Variants in KDM7A observed in about 807,000 individuals in gnomAD.
The protein encoded by KDM7A is lysine-specific demethylase 7A.
KDM7A carries 28 observed loss-of-function variants against 114.8 expected under a neutral mutation model. That is an observed-to-expected ratio of 0.24 (90% confidence interval 0.18 to 0.33). KDM7A has a LOEUF of 0.33. Ranked by LOEUF, KDM7A falls within the 10% of genes least tolerant of loss-of-function variation. The pLI is 1.00. For synonymous variants in KDM7A, 423 were observed against 397.8 expected (o/e 1.06, Z -0.75); for missense variants, 942 against 1,142.5 (o/e 0.82, Z 2.53).
intron 11 of KDM7A, among the ~76,000 whole-genome samples, chr7:140,107,778 T>C (rs1818364367): frequency 6.6e-6 from 1 of 152,176 alleles, no homozygotes; most frequent in Non-Finnish European, 1.5e-5. Flanking sequence ...AGAAGTATCT[T>C]TGTGGCGTTC....
chr7:140,169,604 C>A (rs1794616325), intron 1 of KDM7A, among the ~76,000 whole-genome samples: 1 of 152,124 alleles, frequency 6.6e-6, no homozygotes, highest in African/African-American at 2.4e-5. Context: ...CGGCTCACTG[C>A]AACCTCCGCC....
chr7:140,131,329 C>T (rs1265956126), intron 3 of KDM7A, among the ~76,000 whole-genome samples: 2 of 152,156 alleles, frequency 1.3e-5, no homozygotes, highest in Admixed American at 1.3e-4. Flanking sequence ...TTTTTAATCT[C>T]CCAATTGCTC....
chr7:140,164,854 G>C (rs1794556850), intron 1 of KDM7A, among the ~76,000 whole-genome samples: 1 of 152,120 alleles, frequency 6.6e-6, no homozygotes, highest in Non-Finnish European at 1.5e-5. Context: ...CAGGCTTATT[G>C]AACCTGGAAG....
chr7:140,151,708 T>C (rs1316050410), intron 1 of KDM7A, among the ~76,000 whole-genome samples: 1 of 152,210 alleles, frequency 6.6e-6, no homozygotes, highest in Non-Finnish European at 1.5e-5. Context: ...TTCATGTAGT[T>C]CCTAAATGTC....
chr7:140,140,045 T>A (rs1267709518), intron 1 of KDM7A, among the ~76,000 whole-genome samples: 1 of 152,204 alleles, frequency 6.6e-6, no homozygotes, highest in East Asian at 1.9e-4. Flanking sequence ...ATGCAAGTTC[T>A]ATCAAATATT....
intron 1 of KDM7A, among the ~76,000 whole-genome samples, chr7:140,140,061 A>C (rs1794245472): frequency 6.6e-6 from 1 of 152,204 alleles, no homozygotes; most frequent in Non-Finnish European, 1.5e-5. Flanking sequence ...ATATTCAAGA[A>C]ATAAATAAAT....
chr7:140,105,909 C>T (rs1818328711), intron 11 of KDM7A, among the ~76,000 whole-genome samples: 1 of 152,146 alleles, frequency 6.6e-6, no homozygotes, highest in Admixed American at 6.5e-5. Flanking sequence ...GCTGTGAATC[C>T]GTCTGGTCCT....
intron 18 of KDM7A, 142 bp from the exon 19 acceptor site, chr7:140,092,219 AC>A: frequency 1.4e-6 from 1 of 728,298 alleles, no homozygotes; most frequent in Non-Finnish European, 2.2e-6. Flanking sequence ...GCCACGGATG[AC>A]CACTCCTGCA....
At chr7:140,153,065 G>C (rs1337066389) in intron 1 of KDM7A, among the ~76,000 whole-genome samples, 1 of 151,586 alleles carries the variant, frequency 6.6e-6, no homozygotes, top group Non-Finnish European at 1.5e-5. Context: ...TCATCATGTT[G>C]GCCAGGAAGG....
chr7:140,113,606 G>GA (rs746913936), intron 9 of KDM7A, 24 bp from the exon 10 acceptor site: 2,067 of 1,249,160 alleles, frequency 1.7e-3, no homozygotes, highest in East Asian at 2.6e-3. Context: ...AATGGGGTGA[G>GA]AAAAAAAAAT....
At chr7:140,129,346 T>G in intron 4 of KDM7A, 147 bp downstream of exon 4, 1 of 652,062 alleles carries the variant, frequency 1.5e-6, no homozygotes, top group Non-Finnish European at 2.6e-6. Context: ...TGAGAAAAAC[T>G]AGTTTTCAAT....
intron 1 of KDM7A, among the ~76,000 whole-genome samples, chr7:140,165,064 T>C (rs1794559202): frequency 6.6e-6 from 1 of 152,220 alleles, no homozygotes; most frequent in African/African-American, 2.4e-5. Flanking sequence ...AGGAAAATAC[T>C]CACCATCTTT....
rs1045264993 is a variant in KDM7A, at chr7:140,129,560, T to G, written c.492A>C (p.Lys164Asn). Residue 164 changes from lysine (K) to asparagine (N), a missense_variant, in exon 4 of 20, where the codon AAA (lysine) becomes AAC (asparagine). Physicochemically the swap from Lys to Asn is moderately conservative, Grantham distance 94. This residue lies in a region of KDM7A where 318 missense variants were observed against 453.1 expected (regional missense o/e 0.70). Transcript: ENST00000397560. The part of the protein sequence containing the change: ...HGFDVPIMVP[K>N]LDDLGLRLPS... The stretch of plus-strand genomic sequence containing the variant: ...GGAGCCTGAGTCCTAGATCATCTAA[T>G]TTTGGGACCATAATAGGGACATCAA... The G allele has an allele frequency of 1.2e-6, 2 of 1,613,092 alleles. No individual in the cohort carries two copies. Among genetic ancestry groups the G allele is most frequent in the Non-Finnish European group, 1.7e-6 (2 of 1,179,104 alleles).
intron 1 of KDM7A, among the ~76,000 whole-genome samples, chr7:140,173,359 T>A (rs565510995): frequency 3.3e-4 from 50 of 152,266 alleles, no homozygotes; most frequent in Non-Finnish European, 4.9e-4. Context: ...CAGCTAAAGT[T>A]TGACAGCATC....
At chr7:140,100,699 T>TACACAC (rs1562945993) in intron 12 of KDM7A, among the ~76,000 whole-genome samples, 6 of 35,240 alleles carry the variant, frequency 1.7e-4, no homozygotes, top group African/African-American at 5.2e-4. Context: ...CATATATATA[T>TACACAC]ATATATATAC....
chr7:140,172,019 G>T (rs982887882), intron 1 of KDM7A, among the ~76,000 whole-genome samples: 3 of 152,156 alleles, frequency 2.0e-5, no homozygotes, highest in African/African-American at 7.2e-5. Context: ...CTTATCTACA[G>T]ATTAACAGTT....
intron 9 of KDM7A, among the ~76,000 whole-genome samples, chr7:140,117,553 A>C (rs891316985): frequency 3.3e-5 from 5 of 152,168 alleles, no homozygotes; most frequent in African/African-American, 1.2e-4. Context: ...GAGAGAAAAG[A>C]GGGGAGAAAG....
chr7:140,114,221 G>T (rs1049694635), intron 9 of KDM7A, among the ~76,000 whole-genome samples: 57 of 152,136 alleles, frequency 3.7e-4, no homozygotes, highest in Non-Finnish European at 6.0e-4. Flanking sequence ...ATGCCAAGCG[G>T]AAGCTGGACT....
Position 140,139,142 on chromosome 7 carries a change from G to C in KDM7A, c.243C>G (p.His81Gln). ...CATGTAAAACTGCACAGTTGGGACA[G>C]TGATACAGGTCAATGTCAACAGCAT... Reference protein sequence around the residue: ...EHHAVDIDLYHCPNCAVLHGS... With the variant: ...EHHAVDIDLYQCPNCAVLHGS... Residue 81 changes from histidine to glutamine, a missense_variant, in exon 2 of 20, where the codon CAC becomes CAG. Around this residue, in one of 4 missense-constraint regions of KDM7A, gnomAD observed 318 missense variants for 453.1 expected, o/e 0.70. Coordinates refer to ENST00000397560, the MANE Select transcript of KDM7A (RefSeq NM_030647.2). 6.2e-7 allele frequency: 1 copy of C among 1,613,400 alleles called. No homozygotes were observed.
Sources: gnomAD v4.1 joint callset for allele counts (sites outside exome capture counted in the v4.1 genomes callset) on GRCh38, gnomAD v4.1.1 for gene constraint, gnomAD v4.1.1 regional missense constraint, MANE v1.5 for transcripts, NCBI Gene and HGNC (gene_info 2026-07-23, HGNC 2026-07-21) for gene names.